Variants in GRM5 observed in about 807,000 individuals in gnomAD.
GRM5 encodes the protein glutamate metabotropic receptor 5.
Under a neutral mutation model 83.1 loss-of-function variants are expected in GRM5, and 19 were observed. That is an observed-to-expected ratio of 0.23 (90% CI 0.16 to 0.34). The LOEUF (loss-of-function observed/expected upper bound fraction) is 0.34. Among genes scored for constraint, GRM5 ranks in the 10% least tolerant of loss-of-function variants. The pLI, the probability that GRM5 is intolerant of heterozygous loss-of-function variation, is 1.00. For missense variants in GRM5, 1,160 were observed against 1,588.3 expected (o/e 0.73, Z 4.58); for synonymous variants, 675 against 633.6 (o/e 1.07, Z -0.98).
At chr11:88,961,793 C>T (rs1938792105) in intron 2 of GRM5, among the ~76,000 whole-genome samples, 1 of 152,070 alleles carries the variant, frequency 6.6e-6, no homozygotes, top group Non-Finnish European at 1.5e-5. Flanking sequence ...GGCCTGTCTA[C>T]CCAGAGTTAC....
chr11:88,516,950 T>G (rs1272123926), intron 9 of GRM5, among the ~76,000 whole-genome samples: 1 of 152,038 alleles, frequency 6.6e-6, no homozygotes, highest in African/African-American at 2.4e-5. Context: ...TTGGGTAGGT[T>G]AATTAAGATA....
At chr11:88,744,815 G>C (rs148656967) in intron 3 of GRM5, among the ~76,000 whole-genome samples, 1 of 152,156 alleles carries the variant, frequency 6.6e-6, no homozygotes, top group East Asian at 1.9e-4. Context: ...TAATATCCAA[G>C]AACCATTTAA....
chr11:88,601,149 T>A (rs1937980988), intron 5 of GRM5, among the ~76,000 whole-genome samples: 1 of 152,248 alleles, frequency 6.6e-6, no homozygotes, highest in Non-Finnish European at 1.5e-5. Context: ...GTTATTTAAT[T>A]GACTATGCAA....
At chr11:88,554,454 A>C (rs1942580245) in intron 8 of GRM5, among the ~76,000 whole-genome samples, 1 of 152,202 alleles carries the variant, frequency 6.6e-6, no homozygotes, top group Non-Finnish European at 1.5e-5. Context: ...TCATCTGGCT[A>C]CTAAAGAGGA....
At chr11:88,876,362 A>G (rs1468911286) in intron 2 of GRM5, among the ~76,000 whole-genome samples, 1 of 152,146 alleles carries the variant, frequency 6.6e-6, no homozygotes, top group East Asian at 1.9e-4. Flanking sequence ...GCTATTAATT[A>G]GACTTTGGCT....
chr11:88,921,077 G>GTT (rs33919966), intron 2 of GRM5, among the ~76,000 whole-genome samples: 45,169 of 150,782 alleles, frequency 0.3, 7,026 homozygotes, highest in Non-Finnish European at 0.35. Flanking sequence ...AGACCACTGC[G>GTT]TTTTTTTTTA....
At chr11:88,959,738 C>T (rs1230562816) in intron 2 of GRM5, among the ~76,000 whole-genome samples, 1 of 152,062 alleles carries the variant, frequency 6.6e-6, no homozygotes. Context: ...GCCAGAGACA[C>T]AGAGCTCTGG....
At chr11:88,891,223 GC>G (rs1565279672) in intron 2 of GRM5, among the ~76,000 whole-genome samples, 1 of 152,002 alleles carries the variant, frequency 6.6e-6, no homozygotes, top group Non-Finnish European at 1.5e-5. Context: ...ATAAATTAAC[GC>G]AAAGGTAAAA....
chr11:88,557,736 C>T (rs897182081), intron 8 of GRM5, among the ~76,000 whole-genome samples: 7 of 150,740 alleles, frequency 4.6e-5, no homozygotes, highest in Non-Finnish European at 7.4e-5. Context: ...ACGGTTTTCA[C>T]GTGGCTTAAT....
In GRM5 at chr11:88,937,430, A is replaced by G. The variant is rs192212737; in HGVS notation, c.662-87275T>C. On this transcript the variant is annotated intron_variant, in intron 2 of 9. Coordinates refer to ENST00000305447, the MANE Select transcript of GRM5 (RefSeq NM_001143831.3). ...AAATCTGACAGATTTCTCATTTTCT[A>G]AACAATGACAACACAGCCTTCATCC... 4.3e-4 allele frequency among the ~76,000 whole-genome samples: 66 copies of G among 151,824 alleles called. 1 individual carries two copies. The East Asian group carries it at 0.011, about 26-fold the overall frequency.
intron 4 of GRM5, among the ~76,000 whole-genome samples, chr11:88,614,493 G>A (rs1003977390): frequency 1.3e-5 from 2 of 152,090 alleles, no homozygotes; most frequent in Admixed American, 1.3e-4. Flanking sequence ...AGACTCTCAG[G>A]CAGTCACTAT....
chr11:88,535,035 A>C lies in GRM5; in HGVS notation c.2631-9631T>G, dbSNP rs537436878. ...TGTGAGGCTTCCCCAGCCATGTGGAACTGTAAATCCAATTAAACCTCTTTC... is the reference window on the plus strand; with the variant it reads ...TGTGAGGCTTCCCCAGCCATGTGGACCTGTAAATCCAATTAAACCTCTTTC... On this transcript the variant is annotated intron_variant, in intron 8 of 9. Transcript: ENST00000305447. 2.0e-5 allele frequency among the ~76,000 whole-genome samples: 3 copies of C among 152,238 alleles called. No individual in the cohort carries two copies. In the East Asian group the frequency reaches 5.8e-4, roughly 29 times the overall value.
intron 8 of GRM5, among the ~76,000 whole-genome samples, chr11:88,559,233 G>A (rs986368232): frequency 1.3e-5 from 2 of 152,106 alleles, no homozygotes; most frequent in African/African-American, 4.8e-5. Flanking sequence ...TCAGAAGTGT[G>A]CAGTGCAATA....
rs1565296638 is a variant in GRM5, at chr11:88,928,944, A to ACACT, written c.662-78790_662-78789insAGTG. On this transcript the variant is annotated intron_variant, in intron 2 of 9. Transcript: ENST00000305447. ...CACACACACACACACACACACACACACTCAAGAGTTTATTTCTTTGGTACT... is the reference window on the plus strand; with the variant it reads ...CACACACACACACACACACACACACACACTCTCAAGAGTTTATTTCTTTGGTACT... Among the ~76,000 whole-genome samples, 422 of 151,082 alleles carry ACACT rather than the reference A, an allele frequency of 2.8e-3. 2 individuals are homozygous for ACACT. The highest frequency in any genetic ancestry group is 9.8e-3 in the African/African-American group (401 of 41,034).
chr11:88,745,328 TCCC>T, intron 3 of GRM5, among the ~76,000 whole-genome samples: 1 of 139,836 alleles, frequency 7.2e-6, no homozygotes, highest in Non-Finnish European at 1.6e-5. Context: ...AGCCTCAGCC[TCCC>T]AAGTAGATGG....
chr11:88,679,186 A>C (rs1221189773), intron 3 of GRM5, among the ~76,000 whole-genome samples: 1 of 152,176 alleles, frequency 6.6e-6, no homozygotes, highest in African/African-American at 2.4e-5. Context: ...CTGATTCAGG[A>C]GAGAGGACAC....
At chr11:88,769,794 C>T (rs1021257910) in intron 3 of GRM5, among the ~76,000 whole-genome samples, 5 of 151,970 alleles carry the variant, frequency 3.3e-5, no homozygotes, top group Admixed American at 6.6e-5. Flanking sequence ...CAATAATCAA[C>T]GATGCAAAAG....
intron 9 of GRM5, among the ~76,000 whole-genome samples, chr11:88,518,480 A>G (rs1260825969): frequency 6.6e-6 from 1 of 152,060 alleles, no homozygotes; most frequent in Non-Finnish European, 1.5e-5. Flanking sequence ...TAAGAATGAC[A>G]ATAGATGGTT....
intron 4 of GRM5, among the ~76,000 whole-genome samples, chr11:88,625,986 G>A (rs1298806884): frequency 6.6e-6 from 1 of 151,862 alleles, no homozygotes; most frequent in Non-Finnish European, 1.5e-5. Flanking sequence ...TCTAAGAAAT[G>A]TCACACATAT....
Sources: allele counts gnomAD v4.1 joint callset (sites outside exome capture counted in the v4.1 genomes callset), GRCh38; gene constraint gnomAD v4.1.1; transcripts MANE v1.5; gene names NCBI Gene and HGNC (gene_info 2026-07-23, HGNC 2026-07-21).